Variants in DRC8 observed in about 807,000 individuals in gnomAD.
The protein encoded by DRC8 is dynein regulatory complex subunit 8.
chr1:245,119,106 A>G, the DRC8 span, among the ~76,000 whole-genome samples: 1 of 152,236 alleles, frequency 6.6e-6, no homozygotes, highest in Non-Finnish European at 1.5e-5. Context: ...AGAACCATTA[A>G]TAACACAAGT....
the DRC8 span, among the ~76,000 whole-genome samples, chr1:244,992,827 C>T: frequency 2.0e-5 from 3 of 152,220 alleles, no homozygotes; most frequent in African/African-American, 7.2e-5. Flanking sequence ...TAACCAATTA[C>T]TCCCAAATCT....
the DRC8 span, among the ~76,000 whole-genome samples, chr1:245,117,057 C>T: frequency 8.5e-5 from 13 of 152,092 alleles, no homozygotes; most frequent in African/African-American, 2.9e-4. Context: ...AGTCTGGTTT[C>T]CTTCTCTTTT....
At chr1:244,991,465 G>A in the DRC8 span, among the ~76,000 whole-genome samples, 2 of 152,078 alleles carry the variant, frequency 1.3e-5, no homozygotes, top group African/African-American at 2.4e-5. Context: ...CTCTCTGGAG[G>A]TCACAGGGTG....
the DRC8 span, among the ~76,000 whole-genome samples, chr1:245,090,187 A>G: frequency 6.6e-6 from 1 of 152,180 alleles, no homozygotes; most frequent in Non-Finnish European, 1.5e-5. Context: ...CGTGGGGCTA[A>G]CGCATGAGGG....
At chr1:245,022,410 C>T in the DRC8 span, among the ~76,000 whole-genome samples, 7 of 151,754 alleles carry the variant, frequency 4.6e-5, no homozygotes, top group African/African-American at 9.7e-5. Flanking sequence ...GTGACCCGCC[C>T]GCCTCAGCCT....
At chr1:245,019,760 T>C in the DRC8 span, among the ~76,000 whole-genome samples, 1 of 152,104 alleles carries the variant, frequency 6.6e-6, no homozygotes, top group Non-Finnish European at 1.5e-5. Context: ...CTGGCCAACA[T>C]GGTGAAACCT....
At chr1:244,971,958 CAAAAAA>C in the DRC8 span, among the ~76,000 whole-genome samples, 60 of 107,222 alleles carry the variant, frequency 5.6e-4, no homozygotes, top group Non-Finnish European at 6.8e-4. Context: ...TGTTCTTTAC[CAAAAAA>C]AAAAAAAAAA....
the DRC8 span, among the ~76,000 whole-genome samples, chr1:245,034,734 A>G: frequency 6.6e-6 from 1 of 151,950 alleles, no homozygotes; most frequent in Admixed American, 6.6e-5. Context: ...TGAACAGAAC[A>G]TCCAACTCAA....
chr1:244,970,730 T>C, the DRC8 span: 1 of 471,956 alleles, frequency 2.1e-6, no homozygotes, highest in Non-Finnish European at 3.7e-6. Context: ...CCCGCCTTCT[T>C]CTTTCTCCTC....
At chr1:245,061,255 C>CA in the DRC8 span, among the ~76,000 whole-genome samples, 4 of 152,190 alleles carry the variant, frequency 2.6e-5, no homozygotes, top group African/African-American at 9.6e-5. Flanking sequence ...ACCGAGGAAT[C>CA]AACTGTTACT....
At chr1:244,976,986 A>G in the DRC8 span, among the ~76,000 whole-genome samples, 6 of 152,242 alleles carry the variant, frequency 3.9e-5, no homozygotes, top group Non-Finnish European at 7.3e-5. Context: ...GACACATGCT[A>G]CCGCTTGAAT....
the DRC8 span, among the ~76,000 whole-genome samples, chr1:245,119,495 T>C: frequency 1.5e-4 from 22 of 151,424 alleles, no homozygotes; most frequent in Non-Finnish European, 2.9e-4. Flanking sequence ...AGGCCCTGTC[T>C]CTACAAAAAA....
chr1:245,109,891 T>G, the DRC8 span, among the ~76,000 whole-genome samples: 1 of 152,250 alleles, frequency 6.6e-6, no homozygotes, highest in East Asian at 1.9e-4. Context: ...CCTAAATAGA[T>G]GTGCTATCAG....
chr1:245,006,337 A>T, the DRC8 span, among the ~76,000 whole-genome samples: 1 of 151,926 alleles, frequency 6.6e-6, no homozygotes, highest in Non-Finnish European at 1.5e-5. Context: ...TTTGAGACAG[A>T]GTCTCGCTCT....
the DRC8 span, among the ~76,000 whole-genome samples, chr1:245,104,603 T>G: frequency 1.3e-5 from 2 of 152,252 alleles, no homozygotes; most frequent in South Asian, 4.1e-4. Flanking sequence ...GCTTCACCTA[T>G]TCTCCCTCAA....
chr1:245,089,113 G>A, the DRC8 span, among the ~76,000 whole-genome samples: 1 of 152,164 alleles, frequency 6.6e-6, no homozygotes, highest in Non-Finnish European at 1.5e-5. The surrounding 1 kb of genome is among the most constrained non-coding windows in gnomAD (Gnocchi z 4.8). Flanking sequence ...GGAGGGGATA[G>A]ACTGGGAAAA....
the DRC8 span, among the ~76,000 whole-genome samples, chr1:245,036,851 C>T: frequency 1.3e-5 from 2 of 152,124 alleles, no homozygotes; most frequent in Non-Finnish European, 2.9e-5. Context: ...GACGTAGCTG[C>T]TAACAGGTAT....
the DRC8 span, chr1:245,002,185 G>T: frequency 2.5e-6 from 4 of 1,610,572 alleles, no homozygotes; most frequent in African/African-American, 5.3e-5. Flanking sequence ...CTAATGGAAG[G>T]TGGAAGAAGA....
the DRC8 span, among the ~76,000 whole-genome samples, chr1:245,078,512 G>C: frequency 6.6e-6 from 1 of 152,000 alleles, no homozygotes; most frequent in Non-Finnish European, 1.5e-5. Context: ...AAAAAAGGAG[G>C]TCCTGCTATT....
Sources: gnomAD v4.1 joint callset for allele counts (sites outside exome capture counted in the v4.1 genomes callset) on GRCh38, gnomAD v4.1.1 for gene constraint, Gnocchi (gnomAD v3.1) non-coding constraint, MANE v1.5 for transcripts, NCBI Gene and HGNC (gene_info 2026-07-23, HGNC 2026-07-21) for gene names.